The following PMPCB variants were observed in gnomAD, a reference collection of about 807,000 sequenced individuals.
PMPCB encodes the protein peptidase, mitochondrial processing subunit beta, also known as mitochondrial-processing peptidase subunit beta.
Under a neutral mutation model 61.5 loss-of-function variants are expected in PMPCB, and 46 were observed. That is an observed-to-expected ratio of 0.75 (90% CI 0.59 to 0.96). PMPCB has a LOEUF of 0.96. Among genes scored for constraint, PMPCB ranks in the 40% least tolerant of loss-of-function variants. The probability of loss-of-function intolerance (pLI) is 0.00; values close to 1 mark genes in which losing one functional copy is unlikely to be tolerated. For missense variants in PMPCB, 590 were observed against 602.4 expected (o/e 0.98, Z 0.22); for synonymous variants, 191 against 201.6 (o/e 0.95, Z 0.44).
At chr7:103,310,544 A>G (rs1381312592) in intron 9 of PMPCB, 69 bp downstream of exon 9, 15 of 1,218,026 alleles carry the variant, frequency 1.2e-5, no homozygotes, top group Non-Finnish European at 1.6e-5. Context: ...TTTTATTTAT[A>G]CTTTATGGTG....
the PMPCB span, chr7:103,341,748 T>C: frequency 1.4e-5 from 21 of 1,526,422 alleles, no homozygotes; most frequent in African/African-American, 2.2e-4. Flanking sequence ...GAACAAAATA[T>C]TCAGATATTA....
chr7:103,306,098 C>G (rs1486073381), intron 6 of PMPCB, among the ~76,000 whole-genome samples: 1 of 152,044 alleles, frequency 6.6e-6, no homozygotes, highest in Non-Finnish European at 1.5e-5. Flanking sequence ...TGAAATAGGC[C>G]AGTTTTAAGT....
rs372066944 is a variant in PMPCB, at chr7:103,322,522, C to T, written c.*1432-6409C>T. On this transcript the variant is annotated intron_variant and NMD_transcript_variant, in intron 12 of 12. Coordinates refer to the PMPCB transcript ENST00000444457. ...AAATGTTGTCTTACTTTTTCTTTAG[C>T]TTCTTGCTCCTTCCGTTTAGCTTCT... The T allele has an allele frequency of 2.9e-5, 43 of 1,494,748 alleles. No individual in the cohort carries two copies. The African/African-American group carries it at 5.9e-4, about 20-fold the overall frequency. 92.6% of individuals were successfully genotyped at this position (1,494,748 alleles called of 1,614,324 possible).
At chr7:103,344,642 C>G in the PMPCB span, 16 of 1,605,716 alleles carry the variant, frequency 1.0e-5, no homozygotes, top group Non-Finnish European at 1.4e-5. Context: ...GGGTCTAGCC[C>G]GGTGGGCGCA....
In PMPCB at chr7:103,308,957, T is replaced by C. The variant is rs1296134917; in HGVS notation, c.855T>C (p.Arg285=). The part of the protein sequence containing the change: ...PPCKFTGSEI[R]VRDDKMPLAH... ...TCCTGCTTTATCTTAACTAGATTCGTGTGAGGGATGACAAGATGCCTTTGG... is the reference window on the plus strand; with the variant it reads ...TCCTGCTTTATCTTAACTAGATTCGCGTGAGGGATGACAAGATGCCTTTGG... The change falls in exon 8 of 13, where the codon CGT becomes CGC. Residue 285 remains arginine, a synonymous_variant. Coordinates refer to ENST00000249269, the MANE Select transcript of PMPCB (RefSeq NM_004279.3). The C allele has an allele frequency of 1.4e-5, 22 of 1,586,544 alleles. No individual in the cohort carries two copies. Among genetic ancestry groups the C allele is most frequent in the Non-Finnish European group, 1.5e-5 (17 of 1,166,876 alleles).
At chr7:103,310,261 T>C (rs1817699798) in intron 8 of PMPCB, 54 bp from the exon 9 acceptor site, 2 of 1,371,538 alleles carry the variant, frequency 1.5e-6, no homozygotes, top group Non-Finnish European at 2.1e-6. Flanking sequence ...TTTTTCTTTC[T>C]GTATTTTGGA....
chr7:103,316,712 G>T, downstream of PMPCB: 1 of 866,502 alleles, frequency 1.2e-6, no homozygotes. Flanking sequence ...CTTTTCTGCT[G>T]TGGCACAGAA....
At chr7:103,321,128 G>A (rs1818382938) in intron 12 of PMPCB, among the ~76,000 whole-genome samples, 1 of 151,946 alleles carries the variant, frequency 6.6e-6, no homozygotes. Context: ...AACTTGGGAG[G>A]TGAAGGTTGC....
In PMPCB at chr7:103,297,438, C is replaced by T. The variant is rs1166247639; in HGVS notation, c.-22C>T. On this transcript the variant is annotated 5_prime_UTR_variant, in exon 1 of 13. Transcript: ENST00000249269. ...CGACCCCGGAAGCACATCCTTCATC[C>T]TCTACCTTCCTTCTAGCAGAAATGG... 3.9e-6 allele frequency: 6 copies of T among 1,534,364 alleles called. No homozygotes were observed. The highest frequency in any genetic ancestry group is 5.3e-6 in the Non-Finnish European group (6 of 1,140,296).
the PMPCB span, chr7:103,337,419 T>G: frequency 4.7e-6 from 1 of 213,838 alleles, no homozygotes; most frequent in East Asian, 1.1e-4. Context: ...ATCCACTAAG[T>G]GCAGCTGCTA....
At chr7:103,306,944 A>T (rs903352034) in intron 6 of PMPCB, among the ~76,000 whole-genome samples, 2 of 151,510 alleles carry the variant, frequency 1.3e-5, no homozygotes, top group African/African-American at 4.9e-5. Flanking sequence ...TTTTTAGTAG[A>T]GACAGGGTTT....
chr7:103,327,461 G>A (rs1434426444), intron 12 of PMPCB: 4 of 724,174 alleles, frequency 5.5e-6, no homozygotes, highest in Non-Finnish European at 9.1e-6. Context: ...TGTTGCTGAT[G>A]CTGCTGGCTG....
rs1817744097 is a variant in PMPCB at position 103,311,344 on chromosome 7, C to G, written c.1155-299C>G. ...AATGACCCACTGACTTAACCCATAG[C>G]ATATCAGACTCCAACAGATGAGGAC... On this transcript the variant is annotated intron_variant, in intron 9 of 12. Transcript: ENST00000249269. 4 of 379,534 alleles carry G rather than the reference C, an allele frequency of 1.1e-5. No individual in the cohort carries two copies. In the South Asian group the frequency reaches 1.9e-4, roughly 18 times the overall value. The allele number at this position is 379,534 out of a possible 1,614,324, so 23.5% of individuals were successfully genotyped here.
At chr7:103,334,579 A>G in the PMPCB span, among the ~76,000 whole-genome samples, 1 of 151,676 alleles carries the variant, frequency 6.6e-6, no homozygotes, top group Non-Finnish European at 1.5e-5. Context: ...GTCTTAAAAA[A>G]AAAAAGAAAA....
the PMPCB span, chr7:103,344,861 C>T: frequency 6.9e-6 from 4 of 582,272 alleles, no homozygotes; most frequent in Middle Eastern, 4.6e-4. Flanking sequence ...TCTATACTGA[C>T]TGAGATCCGG....
At chr7:103,327,984 G>A (rs1468185493) in intron 12 of PMPCB, among the ~76,000 whole-genome samples, 3 of 152,070 alleles carry the variant, frequency 2.0e-5, no homozygotes, top group South Asian at 2.1e-4. Flanking sequence ...GTAATGGCAC[G>A]ATCTCGGCTC....
Position 103,304,421 on chromosome 7 carries a change from C to CTATA in PMPCB, c.667_668insTATA (p.Arg223LeufsTer2). Reference sequence around the variant, plus strand: ...TTACTTCATTTACAGATCTATAAGTCGTAAGGACTTAGTGGATTATATAAC... The same window carrying CTATA: ...TTACTTCATTTACAGATCTATAAGTCTATAGTAAGGACTTAGTGGATTATATAAC... On this transcript the variant is annotated stop_gained and frameshift_variant, in exon 6 of 13. Transcript: ENST00000249269. LOFTEE classifies it high-confidence loss of function. The CTATA allele has an allele frequency of 1.3e-6, 2 of 1,582,290 alleles. No individual in the cohort carries two copies. The highest frequency in any genetic ancestry group is 1.7e-6 in the Non-Finnish European group (2 of 1,151,794).
chr7:103,321,187 C>G (rs965951342), intron 12 of PMPCB, among the ~76,000 whole-genome samples: 1 of 151,584 alleles, frequency 6.6e-6, no homozygotes, highest in Non-Finnish European at 1.5e-5. Flanking sequence ...GACTGAGACC[C>G]TGCCTCAACA....
At chr7:103,314,955 G>T (rs1392946609), downstream of PMPCB, among the ~76,000 whole-genome samples, 1 of 152,114 alleles carries the variant, frequency 6.6e-6, no homozygotes, top group Non-Finnish European at 1.5e-5. Flanking sequence ...TTCAAACCTT[G>T]TCATAGCAAG....
Sources: allele counts gnomAD v4.1 joint callset (sites outside exome capture counted in the v4.1 genomes callset), GRCh38; gene constraint gnomAD v4.1.1; transcripts MANE v1.5; gene names NCBI Gene and HGNC (gene_info 2026-07-23, HGNC 2026-07-21).